Variants in USP12 observed in about 807,000 individuals in gnomAD.
USP12 encodes ubiquitin specific peptidase 12.
USP12 carries 19 observed loss-of-function variants against 45.5 expected under a neutral mutation model. The observed-to-expected ratio is 0.42, with a 90% CI of 0.29 to 0.61. The LOEUF (loss-of-function observed/expected upper bound fraction) is 0.61. Ranked by LOEUF, USP12 falls within the 20% of genes least tolerant of loss-of-function variation. The pLI, the probability that USP12 is intolerant of heterozygous loss-of-function variation, is 0.22. For missense variants in USP12, 242 were observed against 447.7 expected (o/e 0.54, Z 4.15); for synonymous variants, 149 against 148.8 (o/e 1.00, Z -0.01).
intron 1 of USP12, chr13:27,169,977 T>C (rs1282841434): frequency 4.8e-6 from 1 of 209,058 alleles, no homozygotes; most frequent in Non-Finnish European, 9.4e-6. Context: ...CCATACAATG[T>C]GTGTAGCTCA....
intron 8 of USP12, 118 bp from the exon 9 acceptor site, chr13:27,069,502 TCA>T (rs1276393834): frequency 1.3e-6 from 1 of 778,776 alleles, no homozygotes; most frequent in East Asian, 2.5e-5. Flanking sequence ...AATGGAACTC[TCA>T]CACACAGCTG....
intron 1 of USP12, chr13:27,162,758 C>T (rs1250288833): frequency 6.6e-6 from 1 of 152,030 alleles, no homozygotes; most frequent in Non-Finnish European, 1.5e-5. Flanking sequence ...AAGTTTGAAC[C>T]ATTTGGATTA....
At chr13:27,135,418 T>C (rs189171644) in intron 1 of USP12, among the ~76,000 whole-genome samples, 87 of 152,334 alleles carry the variant, frequency 5.7e-4, no homozygotes, top group South Asian at 2.1e-3. Context: ...CGTTTAAGTA[T>C]TGGGTCTATG....
intron 1 of USP12, among the ~76,000 whole-genome samples, chr13:27,152,718 G>A (rs896829632): frequency 1.3e-5 from 2 of 150,882 alleles, no homozygotes; most frequent in African/African-American, 4.9e-5. Flanking sequence ...CGAGGCGGGT[G>A]GATCACGAGG....
At chr13:27,139,572 C>T (rs111638218) in intron 1 of USP12, among the ~76,000 whole-genome samples, 15 of 152,172 alleles carry the variant, frequency 9.9e-5, no homozygotes, top group Non-Finnish European at 1.5e-4. Flanking sequence ...GCCGAGATCG[C>T]GCCACTGCAC....
intron 3 of USP12, among the ~76,000 whole-genome samples, chr13:27,097,166 T>TAA (rs538221942): frequency 1.9e-4 from 26 of 136,820 alleles, no homozygotes; most frequent in African/African-American, 5.9e-4. Context: ...ATAGTAAGTT[T>TAA]AAAAAAAAAA....
In USP12 at chr13:27,072,115, T is replaced by A. The variant is rs34396330; in HGVS notation, c.933-966A>T. 1.5e-4 allele frequency among the ~76,000 whole-genome samples: 22 copies of A among 150,708 alleles called. No individual in the cohort carries two copies. In the East Asian group the frequency reaches 2.9e-3, roughly 20 times the overall value. On this transcript the variant is annotated intron_variant, in intron 7 of 8. Transcript: ENST00000282344. ...ACCAACAAAAATACTTTTTTTTTTT[T>A]AACTATGGAGGATGACACATCAAAA...
At chr13:27,144,961 G>A (rs1877246577) in intron 1 of USP12, among the ~76,000 whole-genome samples, 1 of 151,908 alleles carries the variant, frequency 6.6e-6, no homozygotes, top group African/African-American at 2.4e-5. Context: ...CAGCTACTCA[G>A]AAGGCAGAGG....
intron 1 of USP12, among the ~76,000 whole-genome samples, chr13:27,127,682 C>T (rs1021565096): frequency 2.6e-5 from 4 of 152,134 alleles, no homozygotes; most frequent in African/African-American, 9.7e-5. Flanking sequence ...AACTGAATTT[C>T]TTCCCAGAAG....
chr13:27,083,482 A>G (rs2137762905), intron 6 of USP12, among the ~76,000 whole-genome samples: 1 of 150,498 alleles, frequency 6.6e-6, no homozygotes, highest in East Asian at 1.9e-4. Context: ...GGAAAACAAC[A>G]ACTGAAACAG....
chr13:27,091,152 A>T (rs114173145), intron 4 of USP12, among the ~76,000 whole-genome samples: 2,015 of 151,720 alleles, frequency 0.013, 44 homozygotes, highest in African/African-American at 0.047. Flanking sequence ...GAACACAGAC[A>T]ACTCAGAGAG....
chr13:27,086,308 C>CACACAA (rs369044569), intron 6 of USP12, among the ~76,000 whole-genome samples: 6,714 of 122,596 alleles, frequency 0.055, 211 homozygotes, highest in Middle Eastern at 0.12. Context: ...CACACACACA[C>CACACAA]AATGCAGCAC....
At chr13:27,165,825 T>C (rs1878323657) in intron 1 of USP12, among the ~76,000 whole-genome samples, 1 of 152,184 alleles carries the variant, frequency 6.6e-6, no homozygotes, top group South Asian at 2.1e-4. Context: ...GGGAACTAAG[T>C]GAAATTCTTG....
intron 1 of USP12, among the ~76,000 whole-genome samples, chr13:27,151,230 C>G (rs1303849182): frequency 6.6e-6 from 1 of 151,932 alleles, no homozygotes; most frequent in Non-Finnish European, 1.5e-5. Context: ...ACTCGGGAGT[C>G]TGAGGCACAA....
In USP12 at chr13:27,113,269, AAAACAAAC is replaced by A. The variant is rs554245771; in HGVS notation, c.129+3239_129+3246del. 3.3e-3 allele frequency among the ~76,000 whole-genome samples: 503 copies of A among 152,266 alleles called. 2 individuals are homozygous for A. Among genetic ancestry groups the A allele is most frequent in the Non-Finnish European group, 5.7e-3 (386 of 68,016 alleles). ...AAGACCCTTTCTCAAAACAAAAACA[AAAACAAAC>A]AAACAAACAAACAAAAAACCCAGAC... On this transcript the variant is annotated intron_variant, in intron 2 of 8. Coordinates refer to ENST00000282344, the MANE Select transcript of USP12 (RefSeq NM_182488.4).
In USP12 at chr13:27,166,505, G is replaced by A. The variant is rs143075992; in HGVS notation, c.48+5087C>T. Among the ~76,000 whole-genome samples, 15 of 152,246 alleles carry A rather than the reference G, an allele frequency of 9.9e-5. No individual in the cohort carries two copies. The East Asian group carries it at 2.7e-3, about 27-fold the overall frequency. ...GCAACAAGAAATGTGACATCATCTC[G>A]CTGCAACTGGCCAACATGGATCATG... On this transcript the variant is annotated intron_variant, in intron 1 of 8. Coordinates refer to ENST00000282344, the MANE Select transcript of USP12 (RefSeq NM_182488.4).
intron 7 of USP12, among the ~76,000 whole-genome samples, chr13:27,072,331 T>A (rs543151037): frequency 3.5e-4 from 53 of 152,226 alleles, no homozygotes; most frequent in African/African-American, 1.1e-3. Flanking sequence ...GGGTAAGGAC[T>A]GGTAAATTGA....
At chr13:27,109,439 G>A (rs1443438264) in intron 2 of USP12, among the ~76,000 whole-genome samples, 2 of 152,120 alleles carry the variant, frequency 1.3e-5, no homozygotes, top group Non-Finnish European at 2.9e-5. Context: ...CAATGAAAGA[G>A]ACAATACCAC....
chr13:27,153,675 G>A (rs904511193), intron 1 of USP12, among the ~76,000 whole-genome samples: 5 of 152,170 alleles, frequency 3.3e-5, no homozygotes, highest in African/African-American at 1.2e-4. Flanking sequence ...CTGTTCTGCT[G>A]GATGTGAATT....
Sources: allele counts gnomAD v4.1 joint callset (sites outside exome capture counted in the v4.1 genomes callset), GRCh38; gene constraint gnomAD v4.1.1; transcripts MANE v1.5; gene names NCBI Gene and HGNC (gene_info 2026-07-23, HGNC 2026-07-21).